PROM1: variants seen among roughly 807,000 people sequenced by gnomAD.
PROM1 encodes the protein prominin 1, also known as prominin-1.
A neutral mutation model predicts 116.9 loss-of-function variants in PROM1; 105 were observed. That is an observed-to-expected ratio of 0.90 (90% CI 0.77 to 1.06). The LOEUF (loss-of-function observed/expected upper bound fraction) is 1.06, where lower values mean the gene tolerates loss of function less well. PROM1 is among the 50% of genes least tolerant of loss of function. The pLI is 0.00. For synonymous variants in PROM1, 393 were observed against 387.0 expected (o/e 1.02, Z -0.18); for missense variants, 1,122 against 1,045.2 (o/e 1.07, Z -1.01).
Position 16,019,035 on chromosome 4 carries a change from G to C in PROM1, c.785-495C>G, listed in dbSNP as rs137960777. Among the ~76,000 whole-genome samples, 1,457 of 152,322 alleles carry C rather than the reference G, an allele frequency of 9.6e-3. 14 individuals carry two copies. Among genetic ancestry groups the C allele is most frequent in the Non-Finnish European group, 0.016 (1,055 of 68,032 alleles). The stretch of plus-strand genomic sequence containing the variant: ...AGGTCTAGGCATGGATCTCAGCTTT[G>C]CTATTTGCTGTGTGACTAAAAATAG... On this transcript the variant is annotated intron_variant, in intron 8 of 27. Coordinates refer to ENST00000447510, the MANE Select transcript of PROM1 (RefSeq NM_006017.3).
intron 2 of PROM1, among the ~76,000 whole-genome samples, chr4:16,075,230 C>T (rs760382144): frequency 4.6e-5 from 7 of 152,118 alleles, no homozygotes; most frequent in Non-Finnish European, 1.0e-4. Flanking sequence ...TTGTCCTTAC[C>T]CTAAGCAATG....
intron 13 of PROM1, among the ~76,000 whole-genome samples, chr4:16,004,734 G>A (rs1454099961): frequency 2.0e-5 from 3 of 152,120 alleles, no homozygotes; most frequent in Non-Finnish European, 4.4e-5. Flanking sequence ...AAGAAGGGAA[G>A]ACAAATTCAT....
chr4:16,040,626 T>G (rs892875887), intron 2 of PROM1, among the ~76,000 whole-genome samples: 2 of 152,240 alleles, frequency 1.3e-5, no homozygotes, highest in African/African-American at 4.8e-5. Flanking sequence ...CTTAACTGTG[T>G]GTCTAATCTT....
chr4:16,018,238 G>T, intron 9 of PROM1, 85 bp downstream of exon 9: 2 of 1,291,426 alleles, frequency 1.5e-6, no homozygotes, highest in Non-Finnish European at 2.2e-6. Flanking sequence ...AGGCCACCAT[G>T]CACTGGATAG....
rs201870277 is a variant in PROM1 at position 16,000,498 on chromosome 4, G to C, written c.1576C>G (p.Arg526Gly). Residue 526 changes from arginine (R) to glycine (G), a missense_variant and splice_region_variant, in exon 14 of 28, where the codon CGG (arginine) becomes GGG (glycine). Arg to Gly is a moderately radical substitution (Grantham distance 125). Transcript: ENST00000447510. ...AATGGGTAGAAAATCATATTTACCC[G>C]GAATAATTCCTTGCTCGTGTAAGGT... ...CEPYTSKELF[R>G]VLDTPYLLNE... 1.3e-6 allele frequency: 2 copies of C among 1,582,026 alleles called. No individual in the cohort carries two copies. Among genetic ancestry groups the C allele is most frequent in the Non-Finnish European group, 1.7e-6 (2 of 1,155,558 alleles).
chr4:16,042,586 T>C (rs979717298), intron 2 of PROM1, among the ~76,000 whole-genome samples: 6 of 152,182 alleles, frequency 3.9e-5, no homozygotes, highest in Non-Finnish European at 8.8e-5. Flanking sequence ...CATAAATTTA[T>C]ACAAATTTAA....
intron 8 of PROM1, among the ~76,000 whole-genome samples, chr4:16,020,105 G>T (rs1729474330): frequency 6.6e-6 from 1 of 152,172 alleles, no homozygotes; most frequent in South Asian, 2.1e-4. Flanking sequence ...GTGGGGCTGA[G>T]CTCTTAGGAG....
Position 16,028,351 on chromosome 4 carries a change from GA to G in PROM1, c.510-3040del, listed in dbSNP as rs373296298. Among the ~76,000 whole-genome samples the G allele has an allele frequency of 4.1e-3, 624 of 152,254 alleles. 3 individuals carry two copies. Among genetic ancestry groups the G allele is most frequent in the African/African-American group, 0.014 (588 of 41,536 alleles). On this transcript the variant is annotated intron_variant, in intron 5 of 27. Transcript: ENST00000447510. ...CTGGGAGATCAAAAATGGGCTGGAGGAGCAGCTAAATCTGCAGGTCTCAAAA... is the reference window on the plus strand; with the variant it reads ...CTGGGAGATCAAAAATGGGCTGGAGGGCAGCTAAATCTGCAGGTCTCAAAA...
Position 15,998,377 on chromosome 4 carries a change from A to G in PROM1, c.1682+8T>C. The G allele has an allele frequency of 1.3e-6, 2 of 1,583,254 alleles. No individual in the cohort carries two copies. The highest frequency in any genetic ancestry group is 1.7e-6 in the Non-Finnish European group (2 of 1,168,846). ...AAATAGCGAAATGTATAATGCAAAT[A>G]TTGATACCTGTAAACTTGTTCAAAA... On this transcript the variant is annotated splice_region_variant and intron_variant, in intron 15 of 27. Coordinates refer to ENST00000447510, the MANE Select transcript of PROM1 (RefSeq NM_006017.3).
At position 16,029,997 on chromosome 4, in the gene PROM1, T is replaced by A. The variant is rs12644524; in HGVS notation, c.509+3307A>T. On this transcript the variant is annotated intron_variant, in intron 5 of 27. Coordinates refer to ENST00000447510, the MANE Select transcript of PROM1 (RefSeq NM_006017.3). ...TCTTGTCCTTCTTATTTTTATCTAA[T>A]CTTCTGATTTTGTTGACATTCTTTC... Among the ~76,000 whole-genome samples, 23 of 152,348 alleles carry A rather than the reference T, an allele frequency of 1.5e-4. No homozygotes were observed. The East Asian group carries it at 2.3e-3, about 15-fold the overall frequency.
chr4:16,006,272 A>G (rs1577982008), intron 13 of PROM1, among the ~76,000 whole-genome samples: 1 of 152,260 alleles, frequency 6.6e-6, no homozygotes, highest in Non-Finnish European at 1.5e-5. Context: ...CCATATATAA[A>G]TAGTGTGCTT....
Position 16,013,350 on chromosome 4 carries a change from T to G in PROM1, c.1078-12A>C. ...AGGGATTGATAGCCCTGAAAAATAT[T>G]TCAAAATAAAAGGATGTACACAGTT... On this transcript the variant is annotated splice_polypyrimidine_tract_variant and intron_variant, in intron 10 of 27. Transcript: ENST00000447510. 6.3e-7 allele frequency: 1 copy of G among 1,588,146 alleles called. No homozygotes were observed. Among genetic ancestry groups the G allele is most frequent in the Non-Finnish European group, 8.6e-7 (1 of 1,156,412 alleles).
At chr4:15,993,025 C>G (rs922600929) in intron 16 of PROM1, among the ~76,000 whole-genome samples, 1 of 152,204 alleles carries the variant, frequency 6.6e-6, no homozygotes, top group Non-Finnish European at 1.5e-5. Flanking sequence ...AGAGAAGTGA[C>G]CCACAGCACG....
At chr4:16,035,345 A>G (rs1226025845) in intron 4 of PROM1, among the ~76,000 whole-genome samples, 1 of 152,222 alleles carries the variant, frequency 6.6e-6, no homozygotes, top group Non-Finnish European at 1.5e-5. Flanking sequence ...AGGAGAGAAG[A>G]TATATTGAAA....
At chr4:16,038,172 C>G (rs1384288782) in intron 3 of PROM1, among the ~76,000 whole-genome samples, 1 of 152,160 alleles carries the variant, frequency 6.6e-6, no homozygotes, top group Non-Finnish European at 1.5e-5. Flanking sequence ...GGCTATCATC[C>G]TTATCTCCAC....
intron 13 of PROM1, among the ~76,000 whole-genome samples, chr4:16,005,113 C>T (rs910090850): frequency 1.3e-5 from 2 of 151,902 alleles, no homozygotes; most frequent in Non-Finnish European, 2.9e-5. Context: ...CAGGTGTGCA[C>T]CATCATGCCC....
intron 2 of PROM1, chr4:16,055,533 C>T: frequency 2.4e-6 from 1 of 420,912 alleles, no homozygotes; most frequent in South Asian, 1.7e-5. Context: ...AACCAAATAG[C>T]CTAATACCAA....
rs192262725 is a variant in PROM1 at position 16,068,925 on chromosome 4, C to T, written c.220+6762G>A. Reference sequence around the variant, plus strand: ...TATTTTTACAAATAGGCCAACCATCCTAAAATCTAAATTTAAAAACATACC... The same window carrying T: ...TATTTTTACAAATAGGCCAACCATCTTAAAATCTAAATTTAAAAACATACC... On this transcript the variant is annotated intron_variant, in intron 2 of 27. Transcript: ENST00000447510. Among the ~76,000 whole-genome samples the T allele has an allele frequency of 5.8e-4, 88 of 152,236 alleles. No homozygotes were observed. The East Asian group carries it at 0.016, about 27-fold the overall frequency.
rs34158088 is a variant in PROM1 at position 16,039,715 on chromosome 4, CAA to C, written c.221-716_221-715del. On this transcript the variant is annotated intron_variant, in intron 2 of 27. Transcript: ENST00000447510. ...ATCGCGCCACTGCACTCCAGACTGT[CAA>C]AAAAAAAAAAAAAATTAACCCAACT... 6.3e-4 allele frequency among the ~76,000 whole-genome samples: 85 copies of C among 133,904 alleles called. 2 individuals are homozygous for C. Among genetic ancestry groups the C allele is most frequent in the African/African-American group, 2.1e-3 (77 of 36,762 alleles). 87.8% of individuals were successfully genotyped at this position (133,904 alleles called of 152,430 possible). A position where few individuals can be genotyped will look rare whatever the true frequency, so the allele number is the denominator to read the frequency against.
Sources: gnomAD v4.1 joint callset for allele counts (sites outside exome capture counted in the v4.1 genomes callset) on GRCh38, gnomAD v4.1.1 for gene constraint, MANE v1.5 for transcripts, NCBI Gene and HGNC (gene_info 2026-07-23, HGNC 2026-07-21) for gene names.